The following SYNJ1 variants were observed in gnomAD, a reference collection of about 807,000 sequenced individuals.
The protein encoded by SYNJ1 is polyphosphatidylinositol phosphatase SYNJ1.
Under a neutral mutation model 168.2 loss-of-function variants are expected in SYNJ1, and 78 were observed. The observed-to-expected ratio is 0.46, with a 90% CI of 0.39 to 0.56. SYNJ1 has a LOEUF of 0.56. Ranked by LOEUF, SYNJ1 falls within the 20% of genes least tolerant of loss-of-function variation. The probability of loss-of-function intolerance (pLI) is 0.00; values close to 1 mark genes in which losing one functional copy is unlikely to be tolerated. For missense variants in SYNJ1, 1,303 were observed against 1,597.6 expected (o/e 0.82, Z 3.14); for synonymous variants, 539 against 548.6 (o/e 0.98, Z 0.24).
chr21:32,634,181 A>G (rs1204124157), intron 32 of SYNJ1, among the ~76,000 whole-genome samples: 1 of 152,210 alleles, frequency 6.6e-6, no homozygotes, highest in Admixed American at 6.5e-5. Context: ...TGCATATATA[A>G]GAAAATTTTT....
At chr21:32,639,933 T>C (rs2039757811) in intron 29 of SYNJ1, among the ~76,000 whole-genome samples, 154 bp from the exon 30 acceptor site, 1 of 152,254 alleles carries the variant, frequency 6.6e-6, no homozygotes, top group South Asian at 2.1e-4. Context: ...GCCATTATAA[T>C]GATGAATTTT....
chr21:32,637,399 CTTTTTTCTT>C (rs2039619907), intron 31 of SYNJ1, among the ~76,000 whole-genome samples: 2 of 137,394 alleles, frequency 1.5e-5, no homozygotes, highest in African/African-American at 2.7e-5. Flanking sequence ...CTCAATTTTT[CTTTTTTCTT>C]TTTTTTTTTT....
chr21:32,668,469 A>G (rs1474317350), intron 15 of SYNJ1, among the ~76,000 whole-genome samples: 1 of 152,246 alleles, frequency 6.6e-6, no homozygotes, highest in Non-Finnish European at 1.5e-5. Context: ...TCAGAGTTAT[A>G]GTCTAGTTTA....
chr21:32,662,624 T>C (rs1376988453), intron 18 of SYNJ1, among the ~76,000 whole-genome samples: 1 of 152,200 alleles, frequency 6.6e-6, no homozygotes, highest in African/African-American at 2.4e-5. Flanking sequence ...TGAAATTTGA[T>C]GCCTGTGCTG....
chr21:32,664,154 A>AT (rs1312333790), intron 18 of SYNJ1, among the ~76,000 whole-genome samples: 6 of 152,232 alleles, frequency 3.9e-5, no homozygotes, highest in Non-Finnish European at 8.8e-5. Context: ...TCTTCAAATG[A>AT]TAAAAAGCTT....
chr21:32,703,199 A>G (rs1006911365), intron 2 of SYNJ1, among the ~76,000 whole-genome samples: 7 of 152,222 alleles, frequency 4.6e-5, no homozygotes, highest in African/African-American at 1.7e-4. Flanking sequence ...CAGTCACTCA[A>G]TTAGCTGATA....
intron 7 of SYNJ1, 63 bp downstream of exon 7, chr21:32,688,243 A>T (rs1270133160): frequency 1.3e-6 from 2 of 1,481,842 alleles, no homozygotes; most frequent in Non-Finnish European, 1.8e-6. Context: ...GAATCAGTAA[A>T]TACAAGCAGT....
chr21:32,727,710 C>T (rs1038955171), intron 1 of SYNJ1: 44 of 908,928 alleles, frequency 4.8e-5, no homozygotes, highest in Admixed American at 7.0e-5. Flanking sequence ...TCGGTTCGTT[C>T]CCGCGGGCGG....
At chr21:32,719,511 C>T (rs981951622) in intron 2 of SYNJ1, among the ~76,000 whole-genome samples, 4 of 152,032 alleles carry the variant, frequency 2.6e-5, no homozygotes, top group Admixed American at 6.5e-5. Flanking sequence ...GTCAGGAGTT[C>T]GAGACCAGCC....
At position 32,722,202 on chromosome 21, in the gene SYNJ1, AAAAAT is replaced by A. The variant is rs1244540939; in HGVS notation, c.124+4565_124+4569del. ...CTCCATCTCAAAGAAAAAAAAAAAA[AAAAAT>A]ATATATATATATATATATATATATA... On this transcript the variant is annotated intron_variant, in intron 2 of 32. Transcript: ENST00000674351. Among the ~76,000 whole-genome samples the A allele has an allele frequency of 6.2e-3, 589 of 94,426 alleles. 3 individuals carry two copies. The highest frequency in any genetic ancestry group is 0.019 in the African/African-American group (467 of 24,690). The allele number at this position is 94,426 out of a possible 152,430, so 61.9% of individuals were successfully genotyped here.
intron 6 of SYNJ1, among the ~76,000 whole-genome samples, chr21:32,691,499 T>A (rs568316576): frequency 6.6e-6 from 1 of 152,342 alleles, no homozygotes; most frequent in African/African-American, 2.4e-5. Context: ...GAGAATGGAC[T>A]AATAAACTGA....
At position 32,630,222 on chromosome 21, in the gene SYNJ1, G is replaced by A. The variant is rs543902312; in HGVS notation, c.*1583C>T. ...TTCCAGCTGCAAGAACCTCCTCCTG[G>A]AGAAAAGCGTATGAAGGTGCTGGAG... is the stretch of plus-strand genomic sequence containing the variant. On this transcript the variant is annotated 3_prime_UTR_variant, in exon 33 of 33. Coordinates refer to ENST00000674351, the MANE Select transcript of SYNJ1 (RefSeq NM_203446.3). The A allele has an allele frequency of 6.6e-6, 1 of 152,306 alleles. No homozygotes were observed. The highest frequency in any genetic ancestry group is 2.4e-5 in the African/African-American group (1 of 41,564). The allele number at this position is 152,306 out of a possible 1,614,324, so 9.4% of individuals were successfully genotyped here.
At chr21:32,666,187 G>C in intron 16 of SYNJ1, 52 bp from the exon 17 acceptor site, 1 of 1,548,934 alleles carries the variant, frequency 6.5e-7, no homozygotes, top group Non-Finnish European at 8.7e-7. Flanking sequence ...AGAGTTCCAT[G>C]TGCATAGGAA....
intron 4 of SYNJ1, among the ~76,000 whole-genome samples, chr21:32,698,685 A>G (rs1439508019): frequency 6.6e-6 from 1 of 152,180 alleles, no homozygotes; most frequent in Non-Finnish European, 1.5e-5. Context: ...CCTACTTAGA[A>G]TACAGCACAG....
chr21:32,728,139 G>T, upstream of SYNJ1: 1 of 1,348,092 alleles, frequency 7.4e-7, no homozygotes, highest in Non-Finnish European at 9.7e-7. Context: ...GGCTGGGCCT[G>T]GCACCCGCGG....
rs767201457 is a variant in SYNJ1 at position 32,695,206 on chromosome 21, C to T, written c.556G>A (p.Gly186Arg). The change falls in exon 5 of 33, where the codon GGA (glycine) becomes AGA (arginine). Residue 186 changes from glycine to arginine, a missense_variant. Gly to Arg is a moderately radical substitution (Grantham distance 125, BLOSUM62 -2). Transcript: ENST00000674351. The part of the protein sequence containing the change: ...DDWLLRLMCG[G>R]VEIRTIYAAH... ...GCATAAATTGTTCTGATTTCTACTC[C>T]TCCACACATAAGACGTAATAACCAG... is the stretch of plus-strand genomic sequence containing the variant. 1.2e-6 allele frequency: 2 copies of T among 1,614,122 alleles called. No homozygotes were observed. The highest frequency in any genetic ancestry group is 4.5e-5 in the East Asian group (2 of 44,860).
chr21:32,706,213 C>T (rs372065505), intron 2 of SYNJ1, among the ~76,000 whole-genome samples: 2 of 152,008 alleles, frequency 1.3e-5, no homozygotes, highest in African/African-American at 2.4e-5. Flanking sequence ...TGTCACAGAT[C>T]GAGAAATTTT....
intron 4 of SYNJ1, 86 bp downstream of exon 4, chr21:32,699,752 C>G (rs553966195): frequency 3.4e-6 from 5 of 1,486,114 alleles, no homozygotes; most frequent in Non-Finnish European, 3.6e-6. Context: ...TCCTTTCTTG[C>G]TGTCACGGTG....
At position 32,630,901 on chromosome 21, in the gene SYNJ1, C is replaced by A. The variant is rs1183065093; in HGVS notation, c.*904G>T. On this transcript the variant is annotated 3_prime_UTR_variant, in exon 33 of 33. Transcript: ENST00000674351. ...TTTTGTGAAGATATCAGTGCACTTACAATGACTTATTGCACATAATGAAAT... is the reference window on the plus strand; with the variant it reads ...TTTTGTGAAGATATCAGTGCACTTAAAATGACTTATTGCACATAATGAAAT... 1.6e-6 allele frequency: 2 copies of A among 1,227,526 alleles called. No homozygotes were observed. Among genetic ancestry groups the A allele is most frequent in the Non-Finnish European group, 2.3e-6 (2 of 887,698 alleles). 76.0% of individuals were successfully genotyped at this position (1,227,526 alleles called of 1,614,324 possible).
Sources: allele counts gnomAD v4.1 joint callset (sites outside exome capture counted in the v4.1 genomes callset), GRCh38; gene constraint gnomAD v4.1.1; transcripts MANE v1.5; gene names NCBI Gene and HGNC (gene_info 2026-07-23, HGNC 2026-07-21).